Variants in CTNNAL1 observed in about 807,000 individuals in gnomAD.
CTNNAL1 encodes the protein alpha-catulin.
Under a neutral mutation model 93.6 loss-of-function variants are expected in CTNNAL1, and 69 were observed. That is an observed-to-expected ratio of 0.74 (90% CI 0.61 to 0.90). CTNNAL1 has a LOEUF of 0.90. CTNNAL1 is among the 40% of genes least tolerant of loss of function. The pLI, the probability that CTNNAL1 is intolerant of heterozygous loss-of-function variation, is 0.00. For missense variants in CTNNAL1, 836 were observed against 862.0 expected (o/e 0.97, Z 0.38); for synonymous variants, 286 against 305.4 (o/e 0.94, Z 0.66).
At position 108,942,694 on chromosome 9, in the gene CTNNAL1, G is replaced by C. The variant is rs28361183; in HGVS notation, c.*75C>G. 745 of 1,009,796 alleles carry C rather than the reference G, an allele frequency of 7.4e-4. 1 individual carries two copies. In the African/African-American group the frequency reaches 0.011, roughly 15 times the overall value. 62.6% of individuals were successfully genotyped at this position (1,009,796 alleles called of 1,614,324 possible). A position where few individuals can be genotyped will look rare whatever the true frequency, so the allele number is the denominator to read the frequency against. ...TATAAAATTGATGAATTTCTGAAAAGATAAAGGATCATTTGATTTTTAAAA... is the reference window on the plus strand; with the variant it reads ...TATAAAATTGATGAATTTCTGAAAACATAAAGGATCATTTGATTTTTAAAA... On this transcript the variant is annotated 3_prime_UTR_variant, in exon 19 of 19. Coordinates refer to ENST00000325551, the MANE Select transcript of CTNNAL1 (RefSeq NM_003798.4).
At position 108,990,789 on chromosome 9, in the gene CTNNAL1, T is replaced by C. The variant is rs577617414; in HGVS notation, c.576A>G (p.Gln192=). The C allele has an allele frequency of 1.9e-6, 3 of 1,613,780 alleles. No homozygotes were observed. In the East Asian group the frequency reaches 6.7e-5, roughly 36 times the overall value. Residue 192 remains glutamine, a synonymous_variant, in exon 4 of 19, where the codon CAA becomes CAG. Coordinates refer to ENST00000325551, the MANE Select transcript of CTNNAL1 (RefSeq NM_003798.4). ...TTTCATTTCCAAATTGACTGAATAT[T>C]TGGACAAACTCTTGAAAGCTATTCA... ...EKVNSFQEFV[Q]IFSQFGNEMV... is the part of the protein sequence containing the mutation.
chr9:109,009,286 G>A (rs2132225234), intron 1 of CTNNAL1, among the ~76,000 whole-genome samples: 1 of 128,582 alleles, frequency 7.8e-6, no homozygotes, highest in African/African-American at 3.0e-5. Context: ...CCCAGCATAA[G>A]GTAATGAAGA....
At chr9:108,949,939 G>A (rs1175769654) in intron 14 of CTNNAL1, among the ~76,000 whole-genome samples, 1 of 149,332 alleles carries the variant, frequency 6.7e-6, no homozygotes, top group Non-Finnish European at 1.5e-5. Flanking sequence ...CATGAGAATT[G>A]CTTGAACTCA....
chr9:108,968,630 C>T (rs368872367), intron 10 of CTNNAL1, among the ~76,000 whole-genome samples: 7 of 152,332 alleles, frequency 4.6e-5, no homozygotes, highest in Admixed American at 6.5e-5. Context: ...ATAAAGTGTT[C>T]AGCAGATAAT....
intron 12 of CTNNAL1, 102 bp from the exon 13 acceptor site, chr9:108,952,596 G>A (rs1479499489): frequency 1.4e-6 from 2 of 1,418,468 alleles, no homozygotes; most frequent in African/African-American, 2.9e-5. Flanking sequence ...TGTAACAAAA[G>A]TTTAAAATAT....
Position 108,966,986 on chromosome 9 carries a change from A to G in CTNNAL1, c.1441-1458T>C, listed in dbSNP as rs559931434. ...ACACACAAAGATCCAGGAGCTAGGA[A>G]TTCAGAGTTCAGTCTTGATATGTTC... is the stretch of plus-strand genomic sequence containing the variant. On this transcript the variant is annotated intron_variant, in intron 10 of 18. Transcript: ENST00000325551. Among the ~76,000 whole-genome samples the G allele has an allele frequency of 6.8e-4, 104 of 152,310 alleles. 3 individuals are homozygous for G. The South Asian group carries it at 0.021, about 31-fold the overall frequency.
intron 17 of CTNNAL1, 30 bp from the exon 18 acceptor site, chr9:108,943,074 T>G: frequency 6.4e-7 from 1 of 1,568,244 alleles, no homozygotes; most frequent in Non-Finnish European, 8.7e-7. Context: ...GCAAATGATA[T>G]TCTAAAAGTA....
chr9:108,951,029 A>T (rs1284184677), intron 14 of CTNNAL1, among the ~76,000 whole-genome samples: 1 of 151,898 alleles, frequency 6.6e-6, no homozygotes, highest in African/African-American at 2.4e-5. Flanking sequence ...TTTATTTTTG[A>T]GATGGAGTCT....
At chr9:109,006,920 T>A (rs73527209) in intron 1 of CTNNAL1, among the ~76,000 whole-genome samples, 3,526 of 152,140 alleles carry the variant, frequency 0.023, 135 homozygotes, top group African/African-American at 0.081. Context: ...AAAATGGAAA[T>A]AATAATTGTA....
intron 11 of CTNNAL1, among the ~76,000 whole-genome samples, chr9:108,959,532 A>G (rs1338393119): frequency 2.0e-5 from 3 of 152,188 alleles, no homozygotes; most frequent in South Asian, 4.2e-4. Context: ...AGCTATGATC[A>G]CACCACTGCA....
In CTNNAL1 at chr9:109,013,340, G is replaced by C. The variant is rs1350538786; in HGVS notation, c.103C>G (p.Arg35Gly). The C allele has an allele frequency of 6.6e-7, 1 of 1,515,756 alleles. No individual in the cohort carries two copies. The highest frequency in any genetic ancestry group is 8.8e-7 in the Non-Finnish European group (1 of 1,131,422). The allele number at this position is 1,515,756 out of a possible 1,614,324, so 93.9% of individuals were successfully genotyped here. A position where few individuals can be genotyped will look rare whatever the true frequency, so the allele number is the denominator to read the frequency against. Residue 35 changes from arginine to glycine, a missense_variant, in exon 1 of 19, where the codon CGC (arginine) becomes GGC (glycine). Physicochemically the swap from Arg to Gly is moderately radical, Grantham distance 125. Coordinates refer to ENST00000325551, the MANE Select transcript of CTNNAL1 (RefSeq NM_003798.4). ...ALDSGLEIKTRSVEQTLLPLV... is the reference protein window; with the variant it reads ...ALDSGLEIKTGSVEQTLLPLV... ...GGGAGTAGCGTCTGCTCCACCGAGCGAGTTTTGATCTCCAGTCCCGAGTCG... is the reference window on the plus strand; with the variant it reads ...GGGAGTAGCGTCTGCTCCACCGAGCCAGTTTTGATCTCCAGTCCCGAGTCG...
At position 108,963,286 on chromosome 9, in the gene CTNNAL1, C is replaced by T. The variant is rs549267217; in HGVS notation, c.1591+2092G>A. ...AGACCAAAATGCTGGTAGAACAGCC[C>T]GATTTAGAAACTGCGAGCATCTCAA... On this transcript the variant is annotated intron_variant, in intron 11 of 18. Transcript: ENST00000325551. Among the ~76,000 whole-genome samples, 21 of 152,182 alleles carry T rather than the reference C, an allele frequency of 1.4e-4. 1 individual carries two copies. In the East Asian group the frequency reaches 1.5e-3, roughly 11 times the overall value.
At chr9:108,958,063 CAAA>C (rs11291554) in intron 11 of CTNNAL1, among the ~76,000 whole-genome samples, 43 of 85,090 alleles carry the variant, frequency 5.1e-4, no homozygotes, top group Non-Finnish European at 6.0e-4. Context: ...AAGACTGTCT[CAAA>C]AAAAAAAAAA....
chr9:108,974,643 G>A (rs541946236), intron 8 of CTNNAL1, among the ~76,000 whole-genome samples: 10 of 152,204 alleles, frequency 6.6e-5, no homozygotes, highest in Admixed American at 2.6e-4. Context: ...AGACCAGCCT[G>A]AGCTTATAAT....
intron 10 of CTNNAL1, among the ~76,000 whole-genome samples, chr9:108,967,734 C>A (rs890585535): frequency 1.3e-5 from 2 of 151,964 alleles, no homozygotes; most frequent in African/African-American, 4.8e-5. Context: ...CTGGAGTGTT[C>A]AAGGAACAGC....
At chr9:108,945,905 G>A (rs1014089898) in intron 15 of CTNNAL1, among the ~76,000 whole-genome samples, 1 of 152,044 alleles carries the variant, frequency 6.6e-6, no homozygotes, top group South Asian at 2.1e-4. Context: ...CAAAATGCTC[G>A]ATTTCCACCC....
chr9:108,972,864 G>GCGCCCCCCC, intron 8 of CTNNAL1, 31 bp from the exon 9 acceptor site: 8 of 142,534 alleles, frequency 5.6e-5, no homozygotes, highest in South Asian at 2.4e-4. Context: ...GGGGGGGTGG[G>GCGCCCCCCC]AGGGTGGAGA....
chr9:108,989,371 AAG>A (rs1431751007), intron 4 of CTNNAL1, among the ~76,000 whole-genome samples: 1 of 152,210 alleles, frequency 6.6e-6, no homozygotes, highest in African/African-American at 2.4e-5. Flanking sequence ...GATTAAGAGA[AAG>A]AGAAGGAAAA....
intron 7 of CTNNAL1, among the ~76,000 whole-genome samples, chr9:108,978,700 G>A (rs1396783502): frequency 6.6e-6 from 1 of 152,176 alleles, no homozygotes; most frequent in Non-Finnish European, 1.5e-5. Context: ...CACACCAACA[G>A]CCCATTTAAG....
Sources: allele counts gnomAD v4.1 joint callset (sites outside exome capture counted in the v4.1 genomes callset), GRCh38; gene constraint gnomAD v4.1.1; transcripts MANE v1.5; gene names NCBI Gene and HGNC (gene_info 2026-07-23, HGNC 2026-07-21).